DHTKD1: variants seen among roughly 807,000 people sequenced by gnomAD.
DHTKD1 encodes dehydrogenase E1 and transketolase domain containing 1, also known as 2-oxoadipate dehydrogenase complex component E1.
Under a neutral mutation model 101.8 loss-of-function variants are expected in DHTKD1, and 78 were observed. The observed-to-expected ratio is 0.77, with a 90% CI of 0.64 to 0.93. The LOEUF (loss-of-function observed/expected upper bound fraction) is 0.93, where lower values mean the gene tolerates loss of function less well. Among genes scored for constraint, DHTKD1 ranks in the 40% least tolerant of loss-of-function variants. The probability of loss-of-function intolerance (pLI) is 0.00; values close to 1 mark genes in which losing one functional copy is unlikely to be tolerated. For synonymous variants in DHTKD1, 462 were observed against 450.3 expected (o/e 1.03, Z -0.33); for missense variants, 1,223 against 1,161.7 (o/e 1.05, Z -0.77).
At chr10:12,117,207 A>G (rs1421171217) in intron 13 of DHTKD1, among the ~76,000 whole-genome samples, 2 of 150,110 alleles carry the variant, frequency 1.3e-5, no homozygotes, top group African/African-American at 4.9e-5. Flanking sequence ...ATGGGATTTC[A>G]CCATGTTGGC....
chr10:12,069,236 C>G, intron 1 of DHTKD1, 49 bp downstream of exon 1: 2 of 1,463,442 alleles, frequency 1.4e-6, no homozygotes, highest in Non-Finnish European at 1.8e-6. Context: ...GACGCAGAAG[C>G]CTCCCCTGGC....
At chr10:12,082,907 C>A (rs144090278) in intron 2 of DHTKD1, among the ~76,000 whole-genome samples, 1 of 151,832 alleles carries the variant, frequency 6.6e-6, no homozygotes, top group Non-Finnish European at 1.5e-5. Context: ...GAGGCCGAGG[C>A]GGGCAGATCA....
At chr10:12,073,667 C>T (rs1034557215) in intron 1 of DHTKD1, among the ~76,000 whole-genome samples, 20 of 152,260 alleles carry the variant, frequency 1.3e-4, no homozygotes, top group African/African-American at 4.8e-4. Flanking sequence ...TTCCGAGTTT[C>T]AAAATCTGGA....
chr10:12,108,945 A>T (rs954931582), intron 12 of DHTKD1, among the ~76,000 whole-genome samples: 2 of 152,136 alleles, frequency 1.3e-5, no homozygotes, highest in African/African-American at 4.8e-5. Flanking sequence ...TGAGATCAGG[A>T]GTTTGAGACC....
At chr10:12,090,301 A>G (rs1210023322) in intron 5 of DHTKD1, among the ~76,000 whole-genome samples, 1 of 152,198 alleles carries the variant, frequency 6.6e-6, no homozygotes, top group Non-Finnish European at 1.5e-5. Flanking sequence ...ACAGGCCAGA[A>G]ACTTGTAGTG....
chr10:12,098,302 A>G (rs547659338), intron 8 of DHTKD1, among the ~76,000 whole-genome samples: 22 of 152,352 alleles, frequency 1.4e-4, no homozygotes, highest in Non-Finnish European at 2.6e-4. Flanking sequence ...TTTTCCAACC[A>G]GTGAGTAGAA....
rs745702122 is a variant in DHTKD1, at chr10:12,101,107, G to A, written c.1822G>A (p.Val608Met). ...AACTTTCAGTCAGAGGCATGCAATC[G>A]TGGTTTGCCAGGAGACGGATGACAC... ...RGTFSQRHAI[V>M]VCQETDDTYI... The change falls in exon 10 of 17, where the codon GTG (valine) becomes ATG (methionine). Residue 608 changes from valine (V) to methionine (M), a missense_variant. Coordinates refer to ENST00000263035, the MANE Select transcript of DHTKD1 (RefSeq NM_018706.7). 1 of 1,614,072 alleles carries A rather than the reference G, an allele frequency of 6.2e-7. No individual in the cohort carries two copies. Among genetic ancestry groups the A allele is most frequent in the Non-Finnish European group, 8.5e-7 (1 of 1,179,994 alleles).
At chr10:12,118,722 C>A (rs1163800724) in intron 14 of DHTKD1, 27 bp from the exon 15 acceptor site, 20 of 1,458,954 alleles carry the variant, frequency 1.4e-5, no homozygotes, top group Non-Finnish European at 1.7e-5. Context: ...TTCTCCCCCA[C>A]CCTATTGTTC....
At chr10:12,080,922 C>T (rs956631155) in intron 1 of DHTKD1, among the ~76,000 whole-genome samples, 1 of 151,570 alleles carries the variant, frequency 6.6e-6, no homozygotes, top group African/African-American at 2.4e-5. Flanking sequence ...AAAAAATTAG[C>T]CAGATGTGGT....
chr10:12,100,976 CA>C, intron 9 of DHTKD1, 65 bp from the exon 10 acceptor site: 5 of 1,534,602 alleles, frequency 3.3e-6, no homozygotes, highest in Non-Finnish European at 4.5e-6. Context: ...TAAGAATTTA[CA>C]GTCACCACAC....
At chr10:12,082,333 G>C (rs10906067) in intron 2 of DHTKD1, among the ~76,000 whole-genome samples, 73,176 of 151,854 alleles carry the variant, frequency 0.48, 19,615 homozygotes, top group South Asian at 0.72. Flanking sequence ...GCTGATACCC[G>C]CCTCATTCTG....
rs201867300 is a variant in DHTKD1, at chr10:12,090,381, C to T, written c.987+1126C>T. 8.9e-5 allele frequency among the ~76,000 whole-genome samples: 4 copies of T among 45,084 alleles called. No individual in the cohort carries two copies. In the South Asian group the frequency reaches 8.3e-3, roughly 93 times the overall value. 29.6% of individuals were successfully genotyped at this position (45,084 alleles called of 152,430 possible). On this transcript the variant is annotated intron_variant, in intron 5 of 16. Transcript: ENST00000263035. ...CGGCCCTCCCTCCCTTCCTTCCTTC[C>T]TTCCTTTTTTCCTTCCTTCCTTCCT...
At chr10:12,090,923 G>A (rs1031225089) in intron 5 of DHTKD1, among the ~76,000 whole-genome samples, 121 of 152,054 alleles carry the variant, frequency 8.0e-4, no homozygotes, top group Non-Finnish European at 8.2e-4. Context: ...TTGTGGTGGC[G>A]GGCGCCTGTA....
At chr10:12,106,915 A>G (rs899322876) in intron 11 of DHTKD1, among the ~76,000 whole-genome samples, 1 of 151,686 alleles carries the variant, frequency 6.6e-6, no homozygotes, top group Non-Finnish European at 1.5e-5. Context: ...TGTCGTGCCC[A>G]CCACCCCCTG....
intron 5 of DHTKD1, among the ~76,000 whole-genome samples, chr10:12,090,413 CTTCCTTCCTTCCTTT>C: frequency 7.7e-6 from 1 of 130,126 alleles, no homozygotes; most frequent in African/African-American, 2.9e-5. Flanking sequence ...TCCTTTTTTC[CTTCCTTCCTTCCTTT>C]TTCCTTCCTT....
chr10:12,118,890 A>G lies in DHTKD1; in HGVS notation c.2544A>G (p.Gln848=), dbSNP rs1456525966. 2 of 1,593,330 alleles carry G rather than the reference A, an allele frequency of 1.3e-6. No homozygotes were observed. Among genetic ancestry groups the G allele is most frequent in the Non-Finnish European group, 1.7e-6 (2 of 1,171,024 alleles). The part of the protein sequence containing the change: ...LCPFPLDSLQ[Q]EMSKYKHVKD... The stretch of plus-strand genomic sequence containing the variant: ...CCTTCCCGTTGGATTCTTTACAGCA[A>G]GAGATGAGCAAATACAAACATGTTA... Residue 848 remains glutamine, a synonymous_variant, in exon 15 of 17, where the codon CAA becomes CAG. Coordinates refer to ENST00000263035, the MANE Select transcript of DHTKD1 (RefSeq NM_018706.7).
chr10:12,098,117 G>T, intron 8 of DHTKD1, 121 bp downstream of exon 8: 2 of 952,094 alleles, frequency 2.1e-6, no homozygotes, highest in Non-Finnish European at 3.1e-6. Flanking sequence ...GTGTCGTTAG[G>T]TTCTAGAAAC....
rs760535078 is a variant in DHTKD1, at chr10:12,081,528, G to A, written c.211G>A (p.Ala71Thr). Residue 71 changes from alanine to threonine, a missense_variant, in exon 2 of 17, where the codon GCC becomes ACC. Transcript: ENST00000263035. The stretch of plus-strand genomic sequence containing the variant: ...ATATTGTGAGCATGGTCATAAAGCT[G>A]CCAAAATCAACCCCCTCTTCACCGG... ...TVYCEHGHKA[A>T]KINPLFTGQA... The A allele has an allele frequency of 1.9e-6, 3 of 1,614,070 alleles. No individual in the cohort carries two copies. In the South Asian group the frequency reaches 3.3e-5, roughly 18 times the overall value.
At position 12,097,980 on chromosome 10, in the gene DHTKD1, T is replaced by G; in HGVS notation, c.1655T>G (p.Leu552Arg). The G allele has an allele frequency of 6.2e-7, 1 of 1,608,546 alleles. No individual in the cohort carries two copies. The highest frequency in any genetic ancestry group is 8.5e-7 in the Non-Finnish European group (1 of 1,175,910). The change falls in exon 8 of 17, where the codon CTG becomes CGG. Residue 552 changes from leucine (L) to arginine (R), a missense_variant. Physicochemically the swap from Leu to Arg is moderately radical, Grantham distance 102 (BLOSUM62 -2). Coordinates refer to ENST00000263035, the MANE Select transcript of DHTKD1 (RefSeq NM_018706.7). ...GAGCTGCAGATGCACAGTCACCTGCTGAAGACACATGTTCAGGTGGGCAGC... is the reference window on the plus strand; with the variant it reads ...GAGCTGCAGATGCACAGTCACCTGCGGAAGACACATGTTCAGGTGGGCAGC... ...PRELQMHSHL[L>R]KTHVQSRMEK...
Sources: allele counts gnomAD v4.1 joint callset (sites outside exome capture counted in the v4.1 genomes callset), GRCh38; gene constraint gnomAD v4.1.1; transcripts MANE v1.5; gene names NCBI Gene and HGNC (gene_info 2026-07-23, HGNC 2026-07-21).